ITPR2: variants seen among roughly 807,000 people sequenced by gnomAD.
ITPR2 encodes inositol 1,4,5-trisphosphate-gated calcium channel ITPR2.
Under a neutral mutation model 317.1 loss-of-function variants are expected in ITPR2, and 207 were observed. That is an observed-to-expected ratio of 0.65 (90% CI 0.58 to 0.73). ITPR2 has a LOEUF of 0.73. ITPR2 is among the 30% of genes least tolerant of loss of function. The pLI, the probability that ITPR2 is intolerant of heterozygous loss-of-function variation, is 0.00. For missense variants in ITPR2, 2,613 were observed against 3,284.0 expected (o/e 0.80, Z 4.99); for synonymous variants, 1,156 against 1,149.1 (o/e 1.01, Z -0.12).
chr12:26,775,933 C>CATATATATATATATATAT, intron 2 of ITPR2, among the ~76,000 whole-genome samples: 1,757 of 85,386 alleles, frequency 0.021, 325 homozygotes, highest in Non-Finnish European at 0.042. Flanking sequence ...CTCCCCTTTA[C>CATATATATATATATATAT]ATATATATAT....
chr12:26,828,416 T>C (rs533679621), intron 1 of ITPR2, among the ~76,000 whole-genome samples: 1 of 152,324 alleles, frequency 6.6e-6, no homozygotes, highest in East Asian at 1.9e-4. Flanking sequence ...CAGACATATG[T>C]TCCCATGAGT....
rs1395771862 is a variant in ITPR2 at position 26,494,258 on chromosome 12, T to C, written c.5265A>G (p.Ser1755=). 2 of 1,613,592 alleles carry C rather than the reference T, an allele frequency of 1.2e-6. No individual in the cohort carries two copies. The highest frequency in any genetic ancestry group is 3.3e-5 in the Admixed American group (2 of 59,972). The change falls in exon 39 of 57, where the codon TCA becomes TCG. Residue 1755 remains serine (S), a synonymous_variant. Coordinates refer to ENST00000381340, the MANE Select transcript of ITPR2 (RefSeq NM_002223.4). ...TCACTATAACATCGATGACAAGTTC[T>C]GATGCACCTTCTTTATCCAGCAGAC... is the stretch of plus-strand genomic sequence containing the variant. ...IQCLLDKEGA[S]ELVIDVIVNT...
intron 37 of ITPR2, among the ~76,000 whole-genome samples, chr12:26,518,348 A>G (rs766410237): frequency 1.8e-4 from 27 of 152,182 alleles, no homozygotes; most frequent in Non-Finnish European, 3.7e-4. Flanking sequence ...GAAGGGAATA[A>G]CAGACACCAG....
chr12:26,341,475 C>T (rs1938111033), intron 55 of ITPR2, among the ~76,000 whole-genome samples: 1 of 152,216 alleles, frequency 6.6e-6, no homozygotes, highest in Non-Finnish European at 1.5e-5. Flanking sequence ...AGACTGCAGG[C>T]TCAATCTTAC....
chr12:26,517,450 C>T (rs1248647490), intron 37 of ITPR2, among the ~76,000 whole-genome samples: 1 of 152,108 alleles, frequency 6.6e-6, no homozygotes, highest in African/African-American at 2.4e-5. Flanking sequence ...TGAAAAAATG[C>T]TCAATATTAC....
intron 42 of ITPR2, 43 bp downstream of exon 42, chr12:26,483,655 A>C (rs1172936307): frequency 6.9e-7 from 1 of 1,442,760 alleles, no homozygotes; most frequent in Non-Finnish European, 9.7e-7. Context: ...CTCCTTCCCC[A>C]AATTAATCCC....
At chr12:26,672,258 C>T (rs1414037920) in intron 13 of ITPR2, among the ~76,000 whole-genome samples, 2 of 150,988 alleles carry the variant, frequency 1.3e-5, no homozygotes, top group Non-Finnish European at 3.0e-5. Context: ...TTGTTTTCAG[C>T]ACCACACCAC....
chr12:26,781,682 G>A (rs2137179552), intron 2 of ITPR2, among the ~76,000 whole-genome samples: 1 of 152,176 alleles, frequency 6.6e-6, no homozygotes, highest in East Asian at 1.9e-4. Context: ...TGATCAACTT[G>A]ATTGCAAAGT....
At chr12:26,791,562 C>T (rs1950341565) in intron 1 of ITPR2, among the ~76,000 whole-genome samples, 1 of 152,064 alleles carries the variant, frequency 6.6e-6, no homozygotes. Flanking sequence ...TTCCACAAAA[C>T]AAAATGCTGA....
chr12:26,560,640 C>T (rs1446527643), intron 35 of ITPR2, among the ~76,000 whole-genome samples: 1 of 152,144 alleles, frequency 6.6e-6, no homozygotes, highest in Non-Finnish European at 1.5e-5. Context: ...CTGGCTTAGA[C>T]CTTAAGTAAC....
chr12:26,664,324 A>G (rs1343125713), intron 14 of ITPR2, among the ~76,000 whole-genome samples: 1 of 80,916 alleles, frequency 1.2e-5, no homozygotes, highest in Non-Finnish European at 2.5e-5. Context: ...GCTTTATAAA[A>G]GAGTTAATTT....
chr12:26,681,722 T>A (rs1948033765), intron 13 of ITPR2, 152 bp downstream of exon 13: 2 of 509,632 alleles, frequency 3.9e-6, no homozygotes, highest in Non-Finnish European at 6.9e-6. Context: ...TCACTCACTA[T>A]GATCAAGAGG....
intron 32 of ITPR2, among the ~76,000 whole-genome samples, chr12:26,589,853 TACACAC>T (rs56044866): frequency 0.19 from 10,593 of 56,172 alleles, 1,699 homozygotes; most frequent in Non-Finnish European, 0.29. Context: ...TATATATATA[TACACAC>T]ACACACACAC....
intron 52 of ITPR2, among the ~76,000 whole-genome samples, chr12:26,408,385 C>A (rs545214479): frequency 6.6e-6 from 1 of 152,298 alleles, no homozygotes; most frequent in South Asian, 2.1e-4. Context: ...ATTTTAAGAT[C>A]AAAATGTCAC....
intron 11 of ITPR2, among the ~76,000 whole-genome samples, chr12:26,685,068 CT>C (rs1413989833): frequency 6.6e-6 from 1 of 152,170 alleles, no homozygotes; most frequent in Non-Finnish European, 1.5e-5. Context: ...ATTATAGTAA[CT>C]TTTTACCCTC....
At chr12:26,548,036 A>C (rs1373692840) in intron 37 of ITPR2, among the ~76,000 whole-genome samples, 1 of 152,198 alleles carries the variant, frequency 6.6e-6, no homozygotes, top group African/African-American at 2.4e-5. Context: ...GTCAAATCAC[A>C]TCACCTCTCT....
chr12:26,603,492 G>A (rs118040921), intron 26 of ITPR2, among the ~76,000 whole-genome samples: 179 of 152,228 alleles, frequency 1.2e-3, no homozygotes, highest in Non-Finnish European at 1.7e-3. Context: ...ATGCACACCT[G>A]GCACTAGACT....
rs533965720 is a variant in ITPR2 at position 26,684,336 on chromosome 12, C to T, written c.1149-1663G>A. ...AAAAAGAGTAAAGCCTGCACCCCAC[C>T]TGTAAGACTCTGATTTCATTGGTCT... On this transcript the variant is annotated intron_variant, in intron 11 of 56. Transcript: ENST00000381340. Among the ~76,000 whole-genome samples the T allele has an allele frequency of 5.5e-4, 84 of 152,188 alleles. 1 individual carries two copies. Among genetic ancestry groups the T allele is most frequent in the Non-Finnish European group, 1.1e-3 (76 of 68,034 alleles).
intron 37 of ITPR2, among the ~76,000 whole-genome samples, chr12:26,528,287 A>T (rs2136953900): frequency 6.6e-6 from 1 of 152,344 alleles, no homozygotes; most frequent in Non-Finnish European, 1.5e-5. Flanking sequence ...AAGCCCTAAC[A>T]CTAACAAACT....
Sources: allele counts gnomAD v4.1 joint callset (sites outside exome capture counted in the v4.1 genomes callset), GRCh38; gene constraint gnomAD v4.1.1; transcripts MANE v1.5; gene names NCBI Gene and HGNC (gene_info 2026-07-23, HGNC 2026-07-21).